The following PRKCQ variants were observed in gnomAD, a reference collection of about 807,000 sequenced individuals.
PRKCQ encodes the protein protein kinase C theta type.
In PRKCQ, 41 loss-of-function variants were observed where a neutral mutation model predicts 91.2. That is an observed-to-expected ratio of 0.45 (90% confidence interval 0.35 to 0.58). PRKCQ has a LOEUF of 0.58. Ranked by LOEUF, PRKCQ falls within the 20% of genes least tolerant of loss-of-function variation. PRKCQ has a pLI of 0.00. For synonymous variants in PRKCQ, 307 were observed against 316.9 expected (o/e 0.97, Z 0.33); for missense variants, 673 against 896.5 (o/e 0.75, Z 3.18).
chr10:6,567,821 T>C (rs1324802483), intron 1 of PRKCQ, among the ~76,000 whole-genome samples: 1 of 152,260 alleles, frequency 6.6e-6, no homozygotes, highest in African/African-American at 2.4e-5. Context: ...CCTTTTAAGA[T>C]AAACATTCTT....
the PRKCQ span, among the ~76,000 whole-genome samples, chr10:6,404,255 G>GAGGGAGAGAGAGA: frequency 2.9e-5 from 1 of 34,360 alleles, no homozygotes; most frequent in Non-Finnish European, 6.1e-5. Context: ...GAAGGGGGGG[G>GAGGGAGAGAGAGA]GAGAGAGAGA....
intron 14 of PRKCQ, among the ~76,000 whole-genome samples, chr10:6,460,854 T>TCCAA (rs745344985): frequency 1.3e-5 from 2 of 151,216 alleles, no homozygotes; most frequent in African/African-American, 4.9e-5. Flanking sequence ...CATCCATCCA[T>TCCAA]CCAACCATCT....
intron 3 of PRKCQ, among the ~76,000 whole-genome samples, chr10:6,510,503 T>C (rs1312080027): frequency 6.6e-6 from 1 of 152,242 alleles, no homozygotes; most frequent in East Asian, 1.9e-4. Flanking sequence ...TGATGAAGTT[T>C]AATAAAATTA....
At chr10:6,544,386 C>G (rs1236050460) in intron 1 of PRKCQ, among the ~76,000 whole-genome samples, 1 of 152,156 alleles carries the variant, frequency 6.6e-6, no homozygotes, top group Non-Finnish European at 1.5e-5. Flanking sequence ...CCAATTTGCC[C>G]ATTCTAATAA....
intron 1 of PRKCQ, among the ~76,000 whole-genome samples, chr10:6,554,617 G>A (rs1164047178): frequency 6.6e-6 from 1 of 152,120 alleles, no homozygotes; most frequent in Non-Finnish European, 1.5e-5. Flanking sequence ...GGGCTTTACA[G>A]AAAATGAAAA....
intron 4 of PRKCQ, among the ~76,000 whole-genome samples, chr10:6,501,841 A>G (rs1303774758): frequency 2.0e-5 from 3 of 152,048 alleles, no homozygotes; most frequent in Non-Finnish European, 2.9e-5. Context: ...AAAAAAATAC[A>G]TAAAAAAATT....
At chr10:6,428,414 G>C in intron 17 of PRKCQ, 52 bp from the exon 18 acceptor site, 1 of 1,577,220 alleles carries the variant, frequency 6.3e-7, no homozygotes, top group Non-Finnish European at 8.6e-7. Flanking sequence ...CAGCCATTAA[G>C]TTCATGATCT....
At position 6,439,255 on chromosome 10, in the gene PRKCQ, C is replaced by T. The variant is rs111414795; in HGVS notation, c.1836+2638G>A. ...ATTCTCGATGGATCCTGGGCTACCACGGATAGGGCGCTGAATTCCGTTTTG... is the reference window on the plus strand; with the variant it reads ...ATTCTCGATGGATCCTGGGCTACCATGGATAGGGCGCTGAATTCCGTTTTG... On this transcript the variant is annotated intron_variant, in intron 16 of 17. Coordinates refer to ENST00000263125, the MANE Select transcript of PRKCQ (RefSeq NM_006257.5). Among the ~76,000 whole-genome samples, 1,054 of 152,222 alleles carry T rather than the reference C, an allele frequency of 6.9e-3. 15 individuals are homozygous for T. The highest frequency in any genetic ancestry group is 0.024 in the African/African-American group (1,008 of 41,518).
chr10:6,575,819 A>ACTCCCAATC (rs1841208833), intron 1 of PRKCQ, among the ~76,000 whole-genome samples: 2 of 152,210 alleles, frequency 1.3e-5, no homozygotes, highest in Admixed American at 6.5e-5. Flanking sequence ...AGGTGGGTGG[A>ACTCCCAATC]TCATGAGGTC....
chr10:6,541,500 C>T (rs1015171874), intron 1 of PRKCQ, among the ~76,000 whole-genome samples: 6 of 152,136 alleles, frequency 3.9e-5, no homozygotes, highest in Admixed American at 3.9e-4. Context: ...ATTGTTGCCC[C>T]CTAGGTGCCC....
the PRKCQ span, among the ~76,000 whole-genome samples, chr10:6,420,386 C>T: frequency 2.6e-5 from 4 of 152,172 alleles, no homozygotes; most frequent in South Asian, 2.1e-4. Context: ...CACTATGGCA[C>T]GGCTGCTGGC....
downstream of PRKCQ, among the ~76,000 whole-genome samples, chr10:6,425,025 A>G (rs1833082496): frequency 6.6e-6 from 1 of 152,182 alleles, no homozygotes; most frequent in Non-Finnish European, 1.5e-5. Flanking sequence ...GGGGACAGGT[A>G]AGCCAGGTGT....
the PRKCQ span, among the ~76,000 whole-genome samples, chr10:6,399,476 GC>G: frequency 6.6e-6 from 1 of 152,158 alleles, no homozygotes; most frequent in Non-Finnish European, 1.5e-5. Context: ...GACAGAAATT[GC>G]CCCCTTTTTT....
At chr10:6,433,090 A>G (rs1272992736) in intron 16 of PRKCQ, among the ~76,000 whole-genome samples, 1 of 152,206 alleles carries the variant, frequency 6.6e-6, no homozygotes, top group Non-Finnish European at 1.5e-5. Context: ...CGACTGATAC[A>G]TCATCCACTC....
chr10:6,579,838 T>A (rs1329998598), intron 1 of PRKCQ, among the ~76,000 whole-genome samples: 1 of 736 alleles, frequency 1.4e-3, no homozygotes. Context: ...TCCTCACGCA[T>A]TTTTTTTTTT....
In PRKCQ at chr10:6,497,131, GA is replaced by G. The variant is rs538227609; in HGVS notation, c.575-12del. ...TTGCTGCATTGCATTCTGAAAAGAA[GA>G]AAAAAATCACAGCTTAAGATTTTCA... is the stretch of plus-strand genomic sequence containing the variant. On this transcript the variant is annotated splice_polypyrimidine_tract_variant and intron_variant, in intron 6 of 17. Transcript: ENST00000263125. This position sits in a 1 kb window ranked among gnomAD's most constrained non-coding sequence, Gnocchi z 4.5. The G allele has an allele frequency of 3.7e-6, 6 of 1,613,644 alleles. 1 individual carries two copies. In the South Asian group the frequency reaches 6.6e-5, roughly 18 times the overall value.
intron 14 of PRKCQ, 65 bp downstream of exon 14, chr10:6,462,238 T>C: frequency 6.9e-7 from 1 of 1,445,090 alleles, no homozygotes; most frequent in Non-Finnish European, 9.7e-7. Context: ...CTCGGTGCAA[T>C]GATTAAATTA....
chr10:6,446,265 G>C (rs773698045), intron 15 of PRKCQ, among the ~76,000 whole-genome samples: 5 of 151,596 alleles, frequency 3.3e-5, no homozygotes, highest in Admixed American at 6.6e-5. Flanking sequence ...TCTGAATCTG[G>C]TCTTTCAGGA....
rs1564371817 is a variant in PRKCQ at position 6,521,936 on chromosome 10, T to TATTTATTC, written c.-9-6793_-9-6792insGAATAAAT. 9.4e-3 allele frequency among the ~76,000 whole-genome samples: 1,419 copies of TATTTATTC among 151,240 alleles called. 24 individuals are homozygous for TATTTATTC. The highest frequency in any genetic ancestry group is 0.032 in the African/African-American group (1,333 of 41,258). On this transcript the variant is annotated intron_variant, in intron 1 of 17. Transcript: ENST00000263125. ...TGTTATGTTATGTTATTTATTTATT[T>TATTTATTC]ATTTATTTATTTATTTATTTTTTTG...
Sources: gnomAD v4.1 joint callset for allele counts (sites outside exome capture counted in the v4.1 genomes callset) on GRCh38, gnomAD v4.1.1 for gene constraint, Gnocchi (gnomAD v3.1) non-coding constraint, MANE v1.5 for transcripts, NCBI Gene and HGNC (gene_info 2026-07-23, HGNC 2026-07-21) for gene names.